The following SBF2 variants were observed in gnomAD, a reference collection of about 807,000 sequenced individuals.
SBF2 encodes myotubularin-related protein 13.
SBF2 carries 112 observed loss-of-function variants against 225.2 expected under a neutral mutation model. The observed-to-expected ratio is 0.50, with a 90% CI of 0.43 to 0.58. The LOEUF is 0.58. Among genes scored for constraint, SBF2 ranks in the 20% least tolerant of loss-of-function variants. The pLI is 0.00. For missense variants in SBF2, 1,996 were observed against 2,206.2 expected (o/e 0.90, Z 1.91); for synonymous variants, 763 against 773.3 (o/e 0.99, Z 0.22).
intron 2 of SBF2, among the ~76,000 whole-genome samples, chr11:10,078,379 C>A (rs536491378): frequency 3.6e-4 from 55 of 152,216 alleles, no homozygotes; most frequent in African/African-American, 1.3e-3. Flanking sequence ...GGAACCAACC[C>A]AAATGCCCAT....
chr11:10,063,850 C>G (rs547060958), intron 2 of SBF2, among the ~76,000 whole-genome samples: 27,530 of 133,432 alleles, frequency 0.21, 3,279 homozygotes, highest in Non-Finnish European at 0.3. Flanking sequence ...CACACACACA[C>G]ACACACACAG....
At chr11:9,929,502 G>T (rs985155046) in intron 16 of SBF2, among the ~76,000 whole-genome samples, 4 of 152,168 alleles carry the variant, frequency 2.6e-5, no homozygotes, top group Non-Finnish European at 5.9e-5. Context: ...CTGCCAGTCT[G>T]ATCCACTACA....
At chr11:10,258,338 C>A (rs1961084059) in intron 1 of SBF2, among the ~76,000 whole-genome samples, 1 of 152,122 alleles carries the variant, frequency 6.6e-6, no homozygotes, top group Non-Finnish European at 1.5e-5. Flanking sequence ...AAGCTCCCAG[C>A]CTCAAACAAA....
At chr11:10,169,375 T>C (rs1308893811) in intron 2 of SBF2, among the ~76,000 whole-genome samples, 1 of 152,010 alleles carries the variant, frequency 6.6e-6, no homozygotes, top group Non-Finnish European at 1.5e-5. Context: ...CCTTCTTCTC[T>C]CTCTCTCTAT....
intron 13 of SBF2, among the ~76,000 whole-genome samples, chr11:9,970,439 T>G (rs1867257470): frequency 6.6e-6 from 1 of 152,096 alleles, no homozygotes; most frequent in African/African-American, 2.4e-5. Context: ...TTTCCTGACC[T>G]CGTGATCCAC....
intron 28 of SBF2, among the ~76,000 whole-genome samples, chr11:9,824,976 A>AAATGATGAG (rs1854983599): frequency 6.6e-6 from 1 of 152,232 alleles, no homozygotes; most frequent in Admixed American, 6.5e-5. Flanking sequence ...ACTGAGAAAG[A>AAATGATGAG]AATGATGAGA....
intron 16 of SBF2, among the ~76,000 whole-genome samples, chr11:9,902,283 T>A (rs9300100): frequency 1.3e-5 from 2 of 152,020 alleles, no homozygotes; most frequent in African/African-American, 2.4e-5. Context: ...CACAACTCCC[T>A]TATCTTGACT....
chr11:10,011,415 A>G (rs1475596964), intron 6 of SBF2, among the ~76,000 whole-genome samples: 5 of 152,072 alleles, frequency 3.3e-5, no homozygotes, highest in Admixed American at 3.3e-4. Flanking sequence ...CTCTGTAAAC[A>G]TGGGGTTTCG....
chr11:10,190,777 C>G (rs1957134952), intron 2 of SBF2, among the ~76,000 whole-genome samples: 1 of 152,160 alleles, frequency 6.6e-6, no homozygotes, highest in African/African-American at 2.4e-5. Flanking sequence ...GGTCCCTATT[C>G]AATAACACAG....
chr11:10,012,386 C>T (rs1255391132), intron 6 of SBF2, among the ~76,000 whole-genome samples: 6 of 152,178 alleles, frequency 3.9e-5, no homozygotes, highest in African/African-American at 1.4e-4. Context: ...AAGAGCTCCT[C>T]CTGCCTCAGC....
chr11:10,190,424 C>T (rs953023508), intron 2 of SBF2, among the ~76,000 whole-genome samples: 1 of 152,136 alleles, frequency 6.6e-6, no homozygotes, highest in Non-Finnish European at 1.5e-5. Context: ...GAAAAGTAGT[C>T]ATTATGTTTG....
chr11:9,891,624 T>C (rs1860827317), intron 17 of SBF2, among the ~76,000 whole-genome samples: 1 of 152,182 alleles, frequency 6.6e-6, no homozygotes, highest in Admixed American at 6.5e-5. Flanking sequence ...GTATAAAAGA[T>C]TACATTATTT....
intron 38 of SBF2, among the ~76,000 whole-genome samples, chr11:9,782,638 A>G (rs1268068489): frequency 6.6e-6 from 1 of 152,150 alleles, no homozygotes; most frequent in African/African-American, 2.4e-5. Flanking sequence ...TGGGAGGCTG[A>G]GGCGGGTGGA....
At chr11:9,929,965 G>T (rs1338085727) in intron 16 of SBF2, among the ~76,000 whole-genome samples, 1 of 152,066 alleles carries the variant, frequency 6.6e-6, no homozygotes, top group Non-Finnish European at 1.5e-5. Flanking sequence ...CACAGGTAGG[G>T]GAACAATACT....
At chr11:9,989,465 T>C (rs754883748) in intron 13 of SBF2, 32 bp downstream of exon 13, 1 of 1,312,290 alleles carries the variant, frequency 7.6e-7, no homozygotes, top group Admixed American at 1.7e-5. Context: ...TAAATAAAAT[T>C]AATGACTGTC....
chr11:9,929,991 G>A (rs1022532325), intron 16 of SBF2, among the ~76,000 whole-genome samples: 5 of 152,084 alleles, frequency 3.3e-5, no homozygotes, highest in African/African-American at 1.2e-4. Flanking sequence ...GGGCCTGTTG[G>A]GGGATGGTGG....
chr11:9,934,288 A>T (rs533307015), intron 16 of SBF2, among the ~76,000 whole-genome samples: 15 of 152,318 alleles, frequency 9.8e-5, no homozygotes, highest in Non-Finnish European at 1.9e-4. Flanking sequence ...TAGACCAGTA[A>T]CAGGCTCTGA....
intron 2 of SBF2, among the ~76,000 whole-genome samples, chr11:10,062,662 C>T (rs980565050): frequency 1.3e-4 from 20 of 151,968 alleles, no homozygotes; most frequent in Non-Finnish European, 1.9e-4. Context: ...CCAGTCAGAA[C>T]GGCTATATTA....
chr11:9,912,758 C>T (rs1336588641), intron 16 of SBF2, among the ~76,000 whole-genome samples: 1 of 152,146 alleles, frequency 6.6e-6, no homozygotes, highest in Non-Finnish European at 1.5e-5. Flanking sequence ...AAGTAGACAA[C>T]AACAAAATTG....
Sources: gnomAD v4.1 joint callset for allele counts (sites outside exome capture counted in the v4.1 genomes callset) on GRCh38, gnomAD v4.1.1 for gene constraint, MANE v1.5 for transcripts, NCBI Gene and HGNC (gene_info 2026-07-23, HGNC 2026-07-21) for gene names.